Variants in RGS21 observed in about 807,000 individuals in gnomAD.
RGS21 encodes regulator of G-protein signalling 21.
A neutral mutation model predicts 18.7 loss-of-function variants in RGS21; 19 were observed. The observed-to-expected ratio is 1.01, with a 90% confidence interval of 0.71 to 1.49. The LOEUF is 1.49. RGS21 is among the 40% of genes most tolerant of loss of function. RGS21 has a pLI of 0.00. For missense variants in RGS21, 194 were observed against 176.8 expected (o/e 1.10, Z -0.55); for synonymous variants, 56 against 57.8 (o/e 0.97, Z 0.14).
chr1:192,343,031 C>T lies in RGS21; in HGVS notation c.-6C>T, dbSNP rs763119294. On this transcript the variant is annotated 5_prime_UTR_variant, in exon 2 of 5. It adds an upstream start codon to the 5' untranslated region. Transcript: ENST00000417209. The stretch of plus-strand genomic sequence containing the variant: ...GCATCATCTGTGACAGACAGTGGAA[C>T]GAAAAATGCCAGTGAAGTGAGTTGC... The T allele has an allele frequency of 2.2e-5, 35 of 1,612,362 alleles. No homozygotes were observed. Among genetic ancestry groups the T allele is most frequent in the East Asian group, 6.7e-5 (3 of 44,828 alleles).
intron 1 of RGS21, among the ~76,000 whole-genome samples, chr1:192,333,690 C>CAGA (rs1658697999): frequency 6.9e-6 from 1 of 144,200 alleles, no homozygotes; most frequent in Non-Finnish European, 1.5e-5. Flanking sequence ...AGGGATGATG[C>CAGA]AGAGAAGGTA....
In RGS21 at chr1:192,352,199, G is replaced by A; in HGVS notation, c.241G>A (p.Asp81Asn). 2 of 1,606,702 alleles carry A rather than the reference G, an allele frequency of 1.2e-6. No individual in the cohort carries two copies. Among genetic ancestry groups the A allele is most frequent in the Non-Finnish European group, 1.7e-6 (2 of 1,176,826 alleles). Residue 81 changes from aspartate to asparagine, a missense_variant, in exon 4 of 5, where the codon GAT (aspartate) becomes AAT (asparagine). Transcript: ENST00000417209. ...KMIYSEFIEA[D>N]APKEINIDFG... ...GATTTATTCTGAATTCATTGAAGCT[G>A]ATGCACCTAAAGAGGTGAGTGAACT...
chr1:192,362,124 A>G (rs1188776862), intron 4 of RGS21, among the ~76,000 whole-genome samples: 4 of 152,190 alleles, frequency 2.6e-5, no homozygotes, highest in Non-Finnish European at 5.9e-5. Flanking sequence ...TGATTTCAAA[A>G]TAACATATTA....
At position 192,366,112 on chromosome 1, in the gene RGS21, C is replaced by A. The variant is rs762185732; in HGVS notation, c.447C>A (p.Leu149=). 7.5e-6 allele frequency: 12 copies of A among 1,595,520 alleles called. No individual in the cohort carries two copies. The highest frequency in any genetic ancestry group is 3.3e-5 in the South Asian group (3 of 89,958). ...AGGTTCCAAATCATAAAAAATGGCT[C>A]CCTTTTTTGTGAGGAAGGTAAAAGT... ...SQQVPNHKKW[L]PFL The change falls in exon 5 of 5, where the codon CTC becomes CTA. Residue 149 remains leucine, a synonymous_variant. Coordinates refer to ENST00000417209, the MANE Select transcript of RGS21 (RefSeq NM_001039152.3).
chr1:192,320,370 G>C (rs990751798), intron 1 of RGS21, among the ~76,000 whole-genome samples: 6 of 152,050 alleles, frequency 3.9e-5, no homozygotes, highest in Non-Finnish European at 8.8e-5. Context: ...CACACATTTT[G>C]CAAGAATACA....
chr1:192,333,563 G>A (rs1658693617), intron 1 of RGS21, among the ~76,000 whole-genome samples: 1 of 147,212 alleles, frequency 6.8e-6, no homozygotes, highest in South Asian at 2.1e-4. Flanking sequence ...TATGCTGATT[G>A]GAAAGAGCCC....
At chr1:192,359,407 G>T (rs1043829000) in intron 4 of RGS21, among the ~76,000 whole-genome samples, 1 of 151,906 alleles carries the variant, frequency 6.6e-6, no homozygotes, top group Non-Finnish European at 1.5e-5. Context: ...GCAAGTATGA[G>T]TTTCTAGAGT....
At chr1:192,351,773 T>C (rs1223259758) in intron 3 of RGS21, among the ~76,000 whole-genome samples, 2 of 147,652 alleles carry the variant, frequency 1.4e-5, no homozygotes, top group African/African-American at 2.5e-5. Context: ...ATATAACATA[T>C]ATAATATATA....
chr1:192,332,978 A>T (rs1042588554), intron 1 of RGS21, among the ~76,000 whole-genome samples: 1 of 152,160 alleles, frequency 6.6e-6, no homozygotes, highest in African/African-American at 2.4e-5. Context: ...TGTTAAAAAA[A>T]AATAACAACT....
In RGS21 at chr1:192,366,109, G is replaced by C. The variant is rs775019011; in HGVS notation, c.444G>C (p.Trp148Cys). ...NSQQVPNHKKWLPFL is the reference protein window; with the variant it reads ...NSQQVPNHKKCLPFL ...AACAGGTTCCAAATCATAAAAAATG[G>C]CTCCCTTTTTTGTGAGGAAGGTAAA... Residue 148 changes from tryptophan to cysteine, a missense_variant, in exon 5 of 5, where the codon TGG becomes TGC. Transcript: ENST00000417209. 1.9e-6 allele frequency: 3 copies of C among 1,600,034 alleles called. No homozygotes were observed. Among genetic ancestry groups the C allele is most frequent in the African/African-American group, 1.4e-5 (1 of 71,846 alleles).
Position 192,366,391 on chromosome 1 carries a change from TTATTA to T in RGS21, c.*275_*279del, listed in dbSNP as rs1659260401. The T allele has an allele frequency of 2.1e-5, 6 of 279,124 alleles. No individual in the cohort carries two copies. The highest frequency in any genetic ancestry group is 1.5e-4 in the South Asian group (3 of 20,500). 17.3% of individuals were successfully genotyped at this position (279,124 alleles called of 1,614,324 possible). ...AGTCTTAAACCAAAACTGAATATTCTTATTATATTATAATGTAAGGAATTATACAT... is the reference window on the plus strand; with the variant it reads ...AGTCTTAAACCAAAACTGAATATTCTTATTATAATGTAAGGAATTATACAT... On this transcript the variant is annotated 3_prime_UTR_variant, in exon 5 of 5. Coordinates refer to ENST00000417209, the MANE Select transcript of RGS21 (RefSeq NM_001039152.3).
intron 1 of RGS21, among the ~76,000 whole-genome samples, chr1:192,331,401 A>C (rs1160767364): frequency 2.6e-5 from 4 of 151,886 alleles, no homozygotes; most frequent in African/African-American, 9.7e-5. Context: ...AAAGACAAAA[A>C]ATTAGCGTGG....
intron 3 of RGS21, among the ~76,000 whole-genome samples, chr1:192,348,505 A>C (rs1161942503): frequency 1.3e-5 from 2 of 152,224 alleles, no homozygotes; most frequent in Non-Finnish European, 2.9e-5. Context: ...GAATATGAAA[A>C]CATATTTAAA....
intron 1 of RGS21, among the ~76,000 whole-genome samples, chr1:192,341,189 G>A (rs1571455659): frequency 6.6e-6 from 1 of 151,846 alleles, no homozygotes; most frequent in Non-Finnish European, 1.5e-5. Context: ...ACTACTAGAC[G>A]TTAACCCTCC....
chr1:192,325,755 C>T (rs1009882720), intron 1 of RGS21, among the ~76,000 whole-genome samples: 2 of 151,974 alleles, frequency 1.3e-5, no homozygotes, highest in African/African-American at 4.8e-5. Context: ...CTCTTTTGAG[C>T]AGTCTCTGTT....
chr1:192,359,907 C>T (rs1174097177), intron 4 of RGS21, among the ~76,000 whole-genome samples: 2 of 151,512 alleles, frequency 1.3e-5, no homozygotes, highest in Non-Finnish European at 2.9e-5. Flanking sequence ...TAGTTCCATA[C>T]ATCACCAGAA....
chr1:192,334,976 C>G (rs1243853742), intron 1 of RGS21, among the ~76,000 whole-genome samples: 1 of 152,058 alleles, frequency 6.6e-6, no homozygotes, highest in African/African-American at 2.4e-5. Context: ...ATTTCATATA[C>G]TCTTCTAATT....
chr1:192,351,084 G>A lies in RGS21; in HGVS notation c.89-963G>A, dbSNP rs116746917. Among the ~76,000 whole-genome samples, 271 of 152,142 alleles carry A rather than the reference G, an allele frequency of 1.8e-3. 1 individual carries two copies. The highest frequency in any genetic ancestry group is 6.2e-3 in the African/African-American group (258 of 41,528). Reference sequence around the variant, plus strand: ...GAATAAGTGAGTCCATTGCAGTTTCGGATCTAGAGTTTCTGGAGAAGTACA... The same window carrying A: ...GAATAAGTGAGTCCATTGCAGTTTCAGATCTAGAGTTTCTGGAGAAGTACA... On this transcript the variant is annotated intron_variant, in intron 3 of 4. Transcript: ENST00000417209.
chr1:192,347,646 T>A (rs1184538025), intron 3 of RGS21, among the ~76,000 whole-genome samples: 1 of 152,074 alleles, frequency 6.6e-6, no homozygotes, highest in African/African-American at 2.4e-5. Flanking sequence ...TTAGACTCAC[T>A]TTAACATTTT....
Sources: gnomAD v4.1 joint callset for allele counts (sites outside exome capture counted in the v4.1 genomes callset) on GRCh38, gnomAD v4.1.1 for gene constraint, MANE v1.5 for transcripts, NCBI Gene and HGNC (gene_info 2026-07-23, HGNC 2026-07-21) for gene names.